Variants in TANC2 observed in about 807,000 individuals in gnomAD.
TANC2 encodes the protein tetratricopeptide repeat, ankyrin repeat and coiled-coil containing 2.
Under a neutral mutation model 210.5 loss-of-function variants are expected in TANC2, and 26 were observed. The observed-to-expected ratio is 0.12, with a 90% CI of 0.09 to 0.17. The LOEUF (loss-of-function observed/expected upper bound fraction) is 0.17. Ranked by LOEUF, TANC2 falls within the 10% of genes least tolerant of loss-of-function variation. TANC2 has a pLI of 1.00. For synonymous variants in TANC2, 931 were observed against 967.1 expected (o/e 0.96, Z 0.69); for missense variants, 2,129 against 2,608.9 (o/e 0.82, Z 4.01).
At chr17:63,205,316 A>G (rs2145829736) in intron 7 of TANC2, among the ~76,000 whole-genome samples, 1 of 141,898 alleles carries the variant, frequency 7.0e-6, no homozygotes, top group Middle Eastern at 3.6e-3. Context: ...TAAAAACTGT[A>G]AAACTGCTCA....
At chr17:63,038,802 A>C (rs1202860510) in intron 2 of TANC2, among the ~76,000 whole-genome samples, 6 of 152,190 alleles carry the variant, frequency 3.9e-5, no homozygotes, top group Non-Finnish European at 8.8e-5. Flanking sequence ...GAATAACTTT[A>C]TGACCTTGGG....
At chr17:63,074,153 G>A in intron 3 of TANC2, 139 bp downstream of exon 3, 1 of 545,096 alleles carries the variant, frequency 1.8e-6, no homozygotes, top group Non-Finnish European at 3.0e-6. Context: ...TAAATGATAT[G>A]ATGTAAAAAT....
At chr17:63,082,640 T>C (rs1006183368) in intron 3 of TANC2, among the ~76,000 whole-genome samples, 1 of 152,196 alleles carries the variant, frequency 6.6e-6, no homozygotes, top group Non-Finnish European at 1.5e-5. Flanking sequence ...TATTGGCATA[T>C]GTACCTACCT....
At chr17:62,987,343 A>G (rs765511994) in intron 1 of TANC2, among the ~76,000 whole-genome samples, 1 of 152,178 alleles carries the variant, frequency 6.6e-6, no homozygotes, top group Non-Finnish European at 1.5e-5. Flanking sequence ...CCCCCAGATG[A>G]GGGCGCACTT....
chr17:63,276,714 A>G (rs539217814), intron 9 of TANC2, among the ~76,000 whole-genome samples: 12 of 152,248 alleles, frequency 7.9e-5, no homozygotes, highest in African/African-American at 2.2e-4. Flanking sequence ...ATAGAAGGCA[A>G]TGGACTTTTT....
intron 7 of TANC2, among the ~76,000 whole-genome samples, chr17:63,208,501 C>G (rs978678210): frequency 6.6e-6 from 1 of 152,110 alleles, no homozygotes; most frequent in African/African-American, 2.4e-5. Context: ...TATTCTGTAC[C>G]CTTTCTTCTC....
Position 63,420,075 on chromosome 17 carries a change from C to G in TANC2, c.4345C>G (p.Leu1449Val), listed in dbSNP as rs369106640. 8.3e-5 allele frequency: 129 copies of G among 1,552,310 alleles called. No individual in the cohort carries two copies. The African/African-American group carries it at 1.5e-3, about 19-fold the overall frequency. ...CAACAACCGTGAGATCCAGAGACTT[C>G]TGCTGAGAGTGGAAGAAGAGTGTAG... The change falls in exon 28 of 28, where the codon CTG (leucine) becomes GTG (valine). Residue 1449 changes from leucine to valine, a missense_variant. Leu to Val is a conservative substitution (Grantham distance 32, BLOSUM62 1). Transcript: ENST00000689528. The surrounding 1 kb of genome is among the most constrained non-coding windows in gnomAD (Gnocchi z 4.2).
chr17:63,039,920 G>T (rs1323402260), intron 2 of TANC2, among the ~76,000 whole-genome samples: 2 of 151,924 alleles, frequency 1.3e-5, no homozygotes, highest in African/African-American at 4.8e-5. Context: ...TGTCTATATA[G>T]ATAGGTGTTT....
intron 1 of TANC2, among the ~76,000 whole-genome samples, chr17:63,002,743 A>C (rs894284383): frequency 6.6e-6 from 1 of 152,152 alleles, no homozygotes; most frequent in Non-Finnish European, 1.5e-5. Flanking sequence ...AATGCAATGC[A>C]TATGCTTCTA....
chr17:62,975,652 A>T (rs1260080059), intron 1 of TANC2, among the ~76,000 whole-genome samples: 1 of 151,386 alleles, frequency 6.6e-6, no homozygotes, highest in Non-Finnish European at 1.5e-5. Context: ...CTCAGTTGTA[A>T]GTTTAGAAAT....
At position 63,421,562 on chromosome 17, in the gene TANC2, C is replaced by T. The variant is rs761592891; in HGVS notation, c.5832C>T (p.His1944=). The T allele has an allele frequency of 1.9e-6, 3 of 1,614,024 alleles. No individual in the cohort carries two copies. In the East Asian group the frequency reaches 6.7e-5, roughly 36 times the overall value. The change falls in exon 28 of 28, where the codon CAC becomes CAT. Residue 1944 remains histidine, a synonymous_variant. Transcript: ENST00000689528. The surrounding 1 kb of genome is among the most constrained non-coding windows in gnomAD (Gnocchi z 6.9). ...CAGCACGGACTCAGCAGTACCCCCA[C>T]CTCCACCAGCAGAATCGGACCTGGG...
intron 2 of TANC2, among the ~76,000 whole-genome samples, chr17:63,043,305 A>G (rs1016196957): frequency 6.6e-6 from 1 of 152,106 alleles, no homozygotes; most frequent in Admixed American, 6.5e-5. Flanking sequence ...GTTCTCAGTA[A>G]TTGATGTACA....
intron 1 of TANC2, chr17:62,967,305 G>A (rs954006759): frequency 6.6e-6 from 1 of 152,046 alleles, no homozygotes; most frequent in African/African-American, 2.4e-5. Flanking sequence ...TTTTTTTTGA[G>A]GTAGAGAAAG....
intron 2 of TANC2, among the ~76,000 whole-genome samples, chr17:63,072,933 T>C (rs2036449680): frequency 6.6e-6 from 1 of 152,110 alleles, no homozygotes; most frequent in Non-Finnish European, 1.5e-5. Context: ...TAGATGTTAC[T>C]ACACGAGCTC....
chr17:63,308,501 A>G (rs1276050697), intron 9 of TANC2, among the ~76,000 whole-genome samples: 2 of 152,218 alleles, frequency 1.3e-5, no homozygotes, highest in Non-Finnish European at 2.9e-5. Flanking sequence ...CAAAGGAAAT[A>G]TAAACCAAGT....
intron 2 of TANC2, among the ~76,000 whole-genome samples, chr17:63,017,173 T>A (rs2034145600): frequency 6.6e-6 from 1 of 152,178 alleles, no homozygotes; most frequent in Non-Finnish European, 1.5e-5. Context: ...TAGCACTGTT[T>A]TTTGAAGAGA....
intron 14 of TANC2, among the ~76,000 whole-genome samples, chr17:63,369,196 A>G (rs1200696156): frequency 6.6e-6 from 1 of 152,150 alleles, no homozygotes; most frequent in South Asian, 2.1e-4. Context: ...TGAAAATACC[A>G]CTTTATCAGG....
chr17:63,180,592 C>T (rs1329094848), intron 5 of TANC2, among the ~76,000 whole-genome samples: 1 of 152,198 alleles, frequency 6.6e-6, no homozygotes, highest in East Asian at 1.9e-4. Context: ...CAATCCATTA[C>T]CCTCAATGCA....
At chr17:63,406,326 G>GTT (rs753765270) in intron 21 of TANC2, 49 bp downstream of exon 21, 1 of 1,600,496 alleles carries the variant, frequency 6.2e-7, no homozygotes, top group Non-Finnish European at 8.5e-7. Context: ...ATAATTACCT[G>GTT]GTGAACTCAT....
Sources: gnomAD v4.1 joint callset for allele counts (sites outside exome capture counted in the v4.1 genomes callset) on GRCh38, gnomAD v4.1.1 for gene constraint, Gnocchi (gnomAD v3.1) non-coding constraint, MANE v1.5 for transcripts, NCBI Gene and HGNC (gene_info 2026-07-23, HGNC 2026-07-21) for gene names.